Variants in IER5L observed in about 807,000 individuals in gnomAD.
IER5L encodes immediate early response gene 5-like protein.
Under a neutral mutation model 28.3 loss-of-function variants are expected in IER5L, and 6 were observed. The observed-to-expected ratio is 0.21, with a 90% CI of 0.12 to 0.42. The LOEUF (loss-of-function observed/expected upper bound fraction) is 0.42, where lower values mean the gene tolerates loss of function less well. Ranked by LOEUF, IER5L falls within the 10% of genes least tolerant of loss-of-function variation. The pLI, the probability that IER5L is intolerant of heterozygous loss-of-function variation, is 1.00. For synonymous variants in IER5L, 351 were observed against 282.5 expected, an observed-to-expected ratio of 1.24 and a Z score of -2.43; for missense variants, 607 against 575.2, an observed-to-expected ratio of 1.06 and a Z score of -0.56.
chr9:129,177,477 G>GGGC lies in IER5L; in HGVS notation c.573_575dup (p.Pro192dup). The GGGC allele has an allele frequency of 2.0e-6, 2 of 996,138 alleles. No homozygotes were observed. The highest frequency in any genetic ancestry group is 2.4e-6 in the Non-Finnish European group (2 of 839,384). The allele number at this position is 996,138 out of a possible 1,614,324, so 61.7% of individuals were successfully genotyped here. On this transcript the variant is annotated inframe_insertion, in exon 1 of 1. Coordinates refer to ENST00000372491, the MANE Select transcript of IER5L (RefSeq NM_203434.3). ...CCCGCGGGCAGAGCGCAGCGGGCGC[G>GGGC]GGCGGCGGCAGCGGCAGCGGCAGCG...
chr9:129,178,084 C>T lies in IER5L; in HGVS notation c.-32G>A. The T allele has an allele frequency of 7.3e-7, 1 of 1,378,510 alleles. No homozygotes were observed. The highest frequency in any genetic ancestry group is 9.4e-7 in the Non-Finnish European group (1 of 1,064,230). The allele number at this position is 1,378,510 out of a possible 1,614,324, so 85.4% of individuals were successfully genotyped here. A position where few individuals can be genotyped will look rare whatever the true frequency, so the allele number is the denominator to read the frequency against. ...GCGGAGACGGCGGCGGAGCAGCCGC[C>T]GCCGCTGCTGCTGTTAACGCTTCTG... On this transcript the variant is annotated 5_prime_UTR_variant, in exon 1 of 1. Transcript: ENST00000372491.
Position 129,176,697 on chromosome 9 carries a change from C to T in IER5L, c.*141G>A, listed in dbSNP as rs1161029639. Reference sequence around the variant, plus strand: ...TTTTTTTATTTTACAATTTATAAAACATCAGCCGCCTGCCCCCGCTCGCCC... The same window carrying T: ...TTTTTTTATTTTACAATTTATAAAATATCAGCCGCCTGCCCCCGCTCGCCC... On this transcript the variant is annotated 3_prime_UTR_variant, in exon 1 of 1. Coordinates refer to ENST00000372491, the MANE Select transcript of IER5L (RefSeq NM_203434.3). The T allele has an allele frequency of 5.8e-6, 6 of 1,036,808 alleles. No individual in the cohort carries two copies. In the Admixed American group the frequency reaches 1.6e-4, roughly 27 times the overall value. The allele number at this position is 1,036,808 out of a possible 1,614,324, so 64.2% of individuals were successfully genotyped here. A position where few individuals can be genotyped will look rare whatever the true frequency, so the allele number is the denominator to read the frequency against.
rs368963133 is a variant in IER5L at position 129,177,978 on chromosome 9, G to A, written c.75C>T (p.Arg25=). 5.7e-6 allele frequency: 9 copies of A among 1,583,434 alleles called. No individual in the cohort carries two copies. The highest frequency in any genetic ancestry group is 7.7e-6 in the Non-Finnish European group (9 of 1,167,210). The change falls in exon 1 of 1, where the codon CGC becomes CGT. Residue 25 remains arginine (R), a synonymous_variant. Coordinates refer to ENST00000372491, the MANE Select transcript of IER5L (RefSeq NM_203434.3). The part of the protein sequence containing the change: ...LRKIHSSRTQ[R]GGIKLHKNLL... ...GGTTCTTGTGCAGCTTGATGCCGCC[G>A]CGCTGGGTTCGGGAGCTGTGGATCT...
At position 129,176,730 on chromosome 9, in the gene IER5L, A is replaced by C. The variant is rs1829408797; in HGVS notation, c.*108T>G. The stretch of plus-strand genomic sequence containing the variant: ...GCCTGCCCCCGCTCGCCCCCAGCTC[A>C]GCCCCGAGTGGCCCGGCGCCCGCTC... On this transcript the variant is annotated 3_prime_UTR_variant, in exon 1 of 1. Transcript: ENST00000372491. 3 of 1,357,484 alleles carry C rather than the reference A, an allele frequency of 2.2e-6. No homozygotes were observed. The highest frequency in any genetic ancestry group is 3.1e-5 in the African/African-American group (2 of 64,598). The allele number at this position is 1,357,484 out of a possible 1,614,324, so 84.1% of individuals were successfully genotyped here.
At position 129,177,192 on chromosome 9, in the gene IER5L, C is replaced by G. The variant is rs2131662479; in HGVS notation, c.861G>C (p.Gln287His). ...ACGCCAGGCCCGGTCCCGGAGCGCC[C>G]TGGCCACAGCAGGGGCAGTGGGCGG... The part of the protein sequence containing the change: ...CASAHCPCCG[Q>H]GAPGPGLASA... The change falls in exon 1 of 1, where the codon CAG becomes CAC. Residue 287 changes from glutamine to histidine, a missense_variant. Coordinates refer to ENST00000372491, the MANE Select transcript of IER5L (RefSeq NM_203434.3). 1.4e-6 allele frequency: 2 copies of G among 1,480,062 alleles called. No individual in the cohort carries two copies. The highest frequency in any genetic ancestry group is 2.8e-5 in the South Asian group (2 of 71,552). The allele number at this position is 1,480,062 out of a possible 1,614,324, so 91.7% of individuals were successfully genotyped here. A position where few individuals can be genotyped will look rare whatever the true frequency, so the allele number is the denominator to read the frequency against.
In IER5L at chr9:129,176,627, C is replaced by CTT. The variant is rs1829401382; in HGVS notation, c.*209_*210dup. On this transcript the variant is annotated 3_prime_UTR_variant, in exon 1 of 1. Transcript: ENST00000372491. Reference sequence around the variant, plus strand: ...AACACAAAGCATACTTAAATAGGCGCTTTTTCTCTCTGCAAAAATAAAGTC... The same window carrying CTT: ...AACACAAAGCATACTTAAATAGGCGCTTTTTTTCTCTCTGCAAAAATAAAGTC... 1 of 613,356 alleles carries CTT rather than the reference C, an allele frequency of 1.6e-6. No homozygotes were observed. 38.0% of individuals were successfully genotyped at this position (613,356 alleles called of 1,614,324 possible). A position where few individuals can be genotyped will look rare whatever the true frequency, so the allele number is the denominator to read the frequency against.
Position 129,177,731 on chromosome 9 carries a change from G to T in IER5L, c.322C>A (p.Arg108=). ...TGGTGGAGCTGGTGCAGCTGGTGCC[G>T]GGCGGCCGGCTCGCGCGCCTCCGCG... is the stretch of plus-strand genomic sequence containing the variant. The part of the protein sequence containing the change: ...GDAEAREPAA[R]HQLHQLHQLH... Residue 108 remains arginine, a synonymous_variant, in exon 1 of 1, where the codon CGG becomes AGG. Transcript: ENST00000372491. The T allele has an allele frequency of 2.1e-6, 3 of 1,445,034 alleles. No homozygotes were observed. The highest frequency in any genetic ancestry group is 2.7e-6 in the Non-Finnish European group (3 of 1,103,834). 89.5% of individuals were successfully genotyped at this position (1,445,034 alleles called of 1,614,324 possible).
chr9:129,177,941 A>AGGACAC lies in IER5L; in HGVS notation c.106_111dup (p.Val36_Ser37dup). The AGGACAC allele has an allele frequency of 1.3e-6, 2 of 1,580,998 alleles. No individual in the cohort carries two copies. The highest frequency in any genetic ancestry group is 1.7e-6 in the Non-Finnish European group (2 of 1,165,234). The stretch of plus-strand genomic sequence containing the variant: ...AGCTGGCGCGCGTTGCGGAGCACGT[A>AGGACAC]GGACACCAGGAGGTTCTTGTGCAGC... On this transcript the variant is annotated inframe_insertion, in exon 1 of 1. Coordinates refer to ENST00000372491, the MANE Select transcript of IER5L (RefSeq NM_203434.3).
chr9:129,177,234 G>C lies in IER5L; in HGVS notation c.819C>G (p.His273Gln), dbSNP rs904012233. The change falls in exon 1 of 1, where the codon CAC becomes CAG. Residue 273 changes from histidine (H) to glutamine (Q), a missense_variant. Transcript: ENST00000372491. ...AGTGGGCGGAGGCGCAGCAGTCCTG[G>C]TGCAAGTAGCCGTTCTCCACCGTGG... is the stretch of plus-strand genomic sequence containing the variant. ...VVTTVENGYLHQDCCASAHCP... is the reference protein window; with the variant it reads ...VVTTVENGYLQQDCCASAHCP... 2.0e-6 allele frequency: 3 copies of C among 1,468,754 alleles called. No homozygotes were observed. The highest frequency in any genetic ancestry group is 2.7e-6 in the Non-Finnish European group (3 of 1,120,902). 91.0% of individuals were successfully genotyped at this position (1,468,754 alleles called of 1,614,324 possible).
In IER5L at chr9:129,176,929, G is replaced by C. The variant is rs1448303664; in HGVS notation, c.1124C>G (p.Ser375Trp). The C allele has an allele frequency of 1.9e-5, 31 of 1,604,696 alleles. No individual in the cohort carries two copies. Among genetic ancestry groups the C allele is most frequent in the Non-Finnish European group, 2.6e-5 (31 of 1,176,970 alleles). The change falls in exon 1 of 1, where the codon TCG becomes TGG. Residue 375 changes from serine to tryptophan, a missense_variant. Physicochemically the swap from Ser to Trp is radical, Grantham distance 177 (BLOSUM62 -3). Transcript: ENST00000372491. Reference protein sequence around the residue: ...SGLVSRQPDSSEQPPPLNGQL... With the variant: ...SGLVSRQPDSWEQPPPLNGQL... ...CCCGTTGAGCGGCGGCGGCTGCTCCGAGGAGTCCGGCTGTCGGCTCACCAG... is the reference window on the plus strand; with the variant it reads ...CCCGTTGAGCGGCGGCGGCTGCTCCCAGGAGTCCGGCTGTCGGCTCACCAG...
In IER5L at chr9:129,178,190, A is replaced by C; in HGVS notation, c.-138T>G. Reference sequence around the variant, plus strand: ...GGGTCAGAGGTTCGGCTGCGCTCCGAAAGGAGCCGCCACCATGCGCCGCGC... The same window carrying C: ...GGGTCAGAGGTTCGGCTGCGCTCCGCAAGGAGCCGCCACCATGCGCCGCGC... On this transcript the variant is annotated 5_prime_UTR_variant, in exon 1 of 1. Transcript: ENST00000372491. 1.5e-6 allele frequency: 1 copy of C among 684,138 alleles called. No homozygotes were observed. The highest frequency in any genetic ancestry group is 4.4e-5 in the South Asian group (1 of 22,734). 42.4% of individuals were successfully genotyped at this position (684,138 alleles called of 1,614,324 possible). A position where few individuals can be genotyped will look rare whatever the true frequency, so the allele number is the denominator to read the frequency against.
chr9:129,177,298 C>T lies in IER5L; in HGVS notation c.755G>A (p.Ser252Asn). ...GTCTAGGTCCAGCACGGTGGTCTGGCTGCTGCAGTGCAAGCCGAAGTCCGA... is the reference window on the plus strand; with the variant it reads ...GTCTAGGTCCAGCACGGTGGTCTGGTTGCTGCAGTGCAAGCCGAAGTCCGA... ...TPSDFGLHCSSQTTVLDLDTH... is the reference protein window; with the variant it reads ...TPSDFGLHCSNQTTVLDLDTH... Residue 252 changes from serine (S) to asparagine (N), a missense_variant, in exon 1 of 1, where the codon AGC (serine) becomes AAC (asparagine). Ser to Asn is a conservative substitution (Grantham distance 46). Coordinates refer to ENST00000372491, the MANE Select transcript of IER5L (RefSeq NM_203434.3). 1 of 1,450,218 alleles carries T rather than the reference C, an allele frequency of 6.9e-7. No individual in the cohort carries two copies. The highest frequency in any genetic ancestry group is 9.0e-7 in the Non-Finnish European group (1 of 1,108,022). The allele number at this position is 1,450,218 out of a possible 1,614,324, so 89.8% of individuals were successfully genotyped here. A position where few individuals can be genotyped will look rare whatever the true frequency, so the allele number is the denominator to read the frequency against.
In IER5L at chr9:129,177,108, C is replaced by T. The variant is rs558937618; in HGVS notation, c.945G>A (p.Glu315=). 1 of 1,459,276 alleles carries T rather than the reference C, an allele frequency of 6.9e-7. No individual in the cohort carries two copies. Among genetic ancestry groups the T allele is most frequent in the East Asian group, 2.7e-5 (1 of 37,356 alleles). 90.4% of individuals were successfully genotyped at this position (1,459,276 alleles called of 1,614,324 possible). A position where few individuals can be genotyped will look rare whatever the true frequency, so the allele number is the denominator to read the frequency against. ...CGGCCCCCAGCCCGCCCGCATCCTC[C>T]TCGTCGTCTTCCTCCTCCTCCTGGC... ...YPGQEEEEDD[E]EDAGGLGAEP... is the part of the protein sequence containing the mutation. The change falls in exon 1 of 1, where the codon GAG becomes GAA. Residue 315 remains glutamate (E), a synonymous_variant. Transcript: ENST00000372491.
rs1042583046 is a variant in IER5L at position 129,177,010 on chromosome 9, G to C, written c.1043C>G (p.Pro348Arg). Reference sequence around the variant, plus strand: ...CAAGTTTGAGATGTTGGACGCGTCCGGGGACGAGTCCGGGCAGAAGTCCTC... The same window carrying C: ...CAAGTTTGAGATGTTGGACGCGTCCCGGGACGAGTCCGGGCAGAAGTCCTC... ...RFEDFCPDSS[P>R]DASNISNLIS... The change falls in exon 1 of 1, where the codon CCG (proline) becomes CGG (arginine). Residue 348 changes from proline to arginine, a missense_variant. Physicochemically the swap from Pro to Arg is moderately radical, Grantham distance 103 (BLOSUM62 -2). Transcript: ENST00000372491. The C allele has an allele frequency of 6.3e-7, 1 of 1,594,758 alleles. No homozygotes were observed. The highest frequency in any genetic ancestry group is 1.7e-5 in the Admixed American group (1 of 58,294).
rs1267329564 is a variant in IER5L at position 129,175,922 on chromosome 9, A to G, written c.*916T>C. 1 of 152,274 alleles carries G rather than the reference A, an allele frequency of 6.6e-6. No individual in the cohort carries two copies. Among genetic ancestry groups the G allele is most frequent in the African/African-American group, 2.4e-5 (1 of 41,446 alleles). 9.4% of individuals were successfully genotyped at this position (152,274 alleles called of 1,614,324 possible). A position where few individuals can be genotyped will look rare whatever the true frequency, so the allele number is the denominator to read the frequency against. On this transcript the variant is annotated 3_prime_UTR_variant, in exon 1 of 1. Transcript: ENST00000372491. The surrounding 1 kb of genome is among the most constrained non-coding windows in gnomAD (Gnocchi z 5.2). ...CCACAGCTGACCAGGAACTTAGTGC[A>G]AAGTCTCCAACGCAGTCGGCGGTCC...
Position 129,177,673 on chromosome 9 carries a change from T to A in IER5L, c.380A>T (p.His127Leu). Residue 127 changes from histidine (H) to leucine (L), a missense_variant, in exon 1 of 1, where the codon CAC (histidine) becomes CTC (leucine). Coordinates refer to ENST00000372491, the MANE Select transcript of IER5L (RefSeq NM_203434.3). Reference sequence around the variant, plus strand: ...CCTGGGCGCCGGGTGCTGGTGCTGGTGCAGCTGCTGCTGGAGGTGCAGCTG... The same window carrying A: ...CCTGGGCGCCGGGTGCTGGTGCTGGAGCAGCTGCTGCTGGAGGTGCAGCTG... ...LHQLHLQQQL[H>L]QHQHPAPRGC... is the part of the protein sequence containing the mutation. 1 of 1,398,634 alleles carries A rather than the reference T, an allele frequency of 7.1e-7. No individual in the cohort carries two copies. Among genetic ancestry groups the A allele is most frequent in the African/African-American group, 1.5e-5 (1 of 65,950 alleles). The allele number at this position is 1,398,634 out of a possible 1,614,324, so 86.6% of individuals were successfully genotyped here. A position where few individuals can be genotyped will look rare whatever the true frequency, so the allele number is the denominator to read the frequency against.
chr9:129,177,711 G>C lies in IER5L; in HGVS notation c.342C>G (p.Leu114=), dbSNP rs1301151953. ...GGAGGTGCAGCTGGTGGAGCTGGTGGAGCTGGTGCAGCTGGTGCCGGGCGG... is the reference window on the plus strand; with the variant it reads ...GGAGGTGCAGCTGGTGGAGCTGGTGCAGCTGGTGCAGCTGGTGCCGGGCGG... ...EPAARHQLHQ[L]HQLHQLHLQQ... is the part of the protein sequence containing the mutation. Residue 114 remains leucine, a synonymous_variant, in exon 1 of 1, where the codon CTC becomes CTG. Transcript: ENST00000372491. 45 of 1,431,842 alleles carry C rather than the reference G, an allele frequency of 3.1e-5. No homozygotes were observed. Among genetic ancestry groups the C allele is most frequent in the Middle Eastern group, 5.0e-4 (2 of 4,030 alleles). The allele number at this position is 1,431,842 out of a possible 1,614,324, so 88.7% of individuals were successfully genotyped here.
In IER5L at chr9:129,178,162, T is replaced by C. The variant is rs1195441519; in HGVS notation, c.-110A>G. ...GGCGCGCCGGGCAGGGGTAACGGAGTCCGGGTCAGAGGTTCGGCTGCGCTC... is the reference window on the plus strand; with the variant it reads ...GGCGCGCCGGGCAGGGGTAACGGAGCCCGGGTCAGAGGTTCGGCTGCGCTC... On this transcript the variant is annotated 5_prime_UTR_variant, in exon 1 of 1. Coordinates refer to ENST00000372491, the MANE Select transcript of IER5L (RefSeq NM_203434.3). The C allele has an allele frequency of 1.0e-6, 1 of 956,732 alleles. No individual in the cohort carries two copies. Among genetic ancestry groups the C allele is most frequent in the Non-Finnish European group, 1.4e-6 (1 of 716,586 alleles). The allele number at this position is 956,732 out of a possible 1,614,324, so 59.3% of individuals were successfully genotyped here. A position where few individuals can be genotyped will look rare whatever the true frequency, so the allele number is the denominator to read the frequency against.
Position 129,177,081 on chromosome 9 carries a change from C to T in IER5L, c.972G>A (p.Glu324=). ...DEEDAGGLGA[E]PPGGAPFAPC... is the part of the protein sequence containing the mutation. ...GGGCGAACGGGGCGCCCCCGGGGGG[C>T]TCGGCCCCCAGCCCGCCCGCATCCT... The change falls in exon 1 of 1, where the codon GAG becomes GAA. Residue 324 remains glutamate, a synonymous_variant. Transcript: ENST00000372491. The T allele has an allele frequency of 1.4e-6, 2 of 1,476,540 alleles. No individual in the cohort carries two copies. The highest frequency in any genetic ancestry group is 1.5e-5 in the African/African-American group (1 of 67,810). 91.5% of individuals were successfully genotyped at this position (1,476,540 alleles called of 1,614,324 possible).
Sources: gnomAD v4.1 joint callset for allele counts on GRCh38, gnomAD v4.1.1 for gene constraint, Gnocchi (gnomAD v3.1) non-coding constraint, MANE v1.5 for transcripts, NCBI Gene and HGNC (gene_info 2026-07-23, HGNC 2026-07-21) for gene names.